The following TINAG variants were observed in gnomAD, a reference collection of about 807,000 sequenced individuals.
The protein encoded by TINAG is tubulointerstitial nephritis antigen.
A neutral mutation model predicts 72.7 loss-of-function variants in TINAG; 83 were observed. The ratio of observed to expected loss-of-function variants is 1.14; its 90% confidence interval spans 0.96 to 1.37. TINAG has a LOEUF of 1.37. Ranked by LOEUF, TINAG falls within the 40% of genes most tolerant of loss-of-function variation. TINAG has a pLI of 0.00. For synonymous variants in TINAG, 234 were observed against 189.9 expected, an observed-to-expected ratio of 1.23 and a Z score of -1.91; for missense variants, 685 against 576.6, an observed-to-expected ratio of 1.19 and a Z score of -1.93.
chr6:54,343,585 A>G (rs1267773628), intron 5 of TINAG, among the ~76,000 whole-genome samples: 1 of 151,854 alleles, frequency 6.6e-6, no homozygotes, highest in Non-Finnish European at 1.5e-5. Context: ...GAATCAAAAG[A>G]GTGACAAAAT....
At chr6:54,313,924 G>A (rs1021799500) in intron 1 of TINAG, among the ~76,000 whole-genome samples, 1 of 152,092 alleles carries the variant, frequency 6.6e-6, no homozygotes, top group Non-Finnish European at 1.5e-5. Context: ...GTAATCGATA[G>A]TATTTAAAAC....
At chr6:54,372,727 CATATATATATATATATATATAT>C (rs67301819) in intron 9 of TINAG, among the ~76,000 whole-genome samples, 51,497 of 133,842 alleles carry the variant, frequency 0.38, 11,218 homozygotes, top group Middle Eastern at 0.52. Flanking sequence ...TAAATACATA[CATATATATATATATATATATAT>C]ATATATATAT....
intron 9 of TINAG, among the ~76,000 whole-genome samples, chr6:54,368,651 C>T (rs191626203): frequency 9.6e-4 from 145 of 151,488 alleles, no homozygotes; most frequent in Admixed American, 1.8e-3. Context: ...CTTAGTTTTA[C>T]TACCAGGTAT....
intron 10 of TINAG, among the ~76,000 whole-genome samples, chr6:54,385,536 A>T (rs1033042547): frequency 5.3e-5 from 8 of 152,074 alleles, no homozygotes; most frequent in African/African-American, 1.7e-4. Flanking sequence ...GGCTCAAAAG[A>T]CTTCACTGGT....
chr6:54,312,824 G>A (rs755635980), intron 1 of TINAG, among the ~76,000 whole-genome samples: 1 of 152,154 alleles, frequency 6.6e-6, no homozygotes, highest in Non-Finnish European at 1.5e-5. Flanking sequence ...ATTAGTGAGA[G>A]AGATGAGTGG....
chr6:54,321,027 T>C (rs190463657), intron 2 of TINAG, among the ~76,000 whole-genome samples: 1 of 152,300 alleles, frequency 6.6e-6, no homozygotes, highest in Non-Finnish European at 1.5e-5. Flanking sequence ...TACAAGTACA[T>C]TGAATCTACT....
intron 7 of TINAG, 139 bp from the exon 8 acceptor site, chr6:54,351,213 C>A: frequency 1.5e-6 from 1 of 656,820 alleles, no homozygotes; most frequent in South Asian, 1.9e-5. Context: ...TTAACAATTT[C>A]ATTAATGTAG....
intron 1 of TINAG, among the ~76,000 whole-genome samples, chr6:54,311,019 T>C (rs945928678): frequency 9.2e-5 from 14 of 151,772 alleles, no homozygotes; most frequent in Admixed American, 9.2e-4. Flanking sequence ...TTTCCTTTCC[T>C]TTCATTTTTA....
At chr6:54,363,605 G>A (rs1763310407) in intron 9 of TINAG, among the ~76,000 whole-genome samples, 1 of 138,222 alleles carries the variant, frequency 7.2e-6, no homozygotes, top group Non-Finnish European at 1.6e-5. Context: ...AGACAAAAAA[G>A]TGCCAACGGG....
chr6:54,357,871 T>C (rs1210740917), intron 9 of TINAG, among the ~76,000 whole-genome samples: 1 of 151,960 alleles, frequency 6.6e-6, no homozygotes, highest in Non-Finnish European at 1.5e-5. Context: ...TTATTCTTTG[T>C]TCAGAATCCT....
At chr6:54,313,166 T>C (rs574161185) in intron 1 of TINAG, among the ~76,000 whole-genome samples, 1 of 152,288 alleles carries the variant, frequency 6.6e-6, no homozygotes, top group African/African-American at 2.4e-5. Context: ...ATCTTAAACA[T>C]GTATTTTTTT....
chr6:54,341,340 A>T (rs1333934983), intron 4 of TINAG, among the ~76,000 whole-genome samples: 1 of 152,130 alleles, frequency 6.6e-6, no homozygotes, highest in African/African-American at 2.4e-5. Context: ...ATTCTGCCCC[A>T]ACCCTAAGAT....
intron 6 of TINAG, 38 bp downstream of exon 6, chr6:54,347,555 T>C (rs1785155750): frequency 6.2e-7 from 1 of 1,606,246 alleles, no homozygotes; most frequent in Non-Finnish European, 8.5e-7. Flanking sequence ...AGGATTTTTA[T>C]GAATGATGCA....
chr6:54,350,758 C>T (rs73444769), intron 7 of TINAG, among the ~76,000 whole-genome samples: 2,991 of 150,736 alleles, frequency 0.02, 89 homozygotes, highest in African/African-American at 0.069. Context: ...TGTTTGCAAA[C>T]GTAACACTTT....
rs144514247 is a variant in TINAG at position 54,351,472 on chromosome 6, G to A, written c.1126+75G>A. 3.4e-4 allele frequency: 469 copies of A among 1,377,774 alleles called. 5 individuals carry two copies. The African/African-American group carries it at 6.0e-3, about 18-fold the overall frequency. The allele number at this position is 1,377,774 out of a possible 1,614,324, so 85.3% of individuals were successfully genotyped here. A position where few individuals can be genotyped will look rare whatever the true frequency, so the allele number is the denominator to read the frequency against. On this transcript the variant is annotated intron_variant, in intron 8 of 10. Transcript: ENST00000259782. Reference sequence around the variant, plus strand: ...AACATTACATTGAGCTCATGTAATAGGAGTTTAATAAAATAAAGAAAATTT... The same window carrying A: ...AACATTACATTGAGCTCATGTAATAAGAGTTTAATAAAATAAAGAAAATTT...
intron 9 of TINAG, among the ~76,000 whole-genome samples, chr6:54,374,731 T>A (rs1193254746): frequency 6.6e-6 from 1 of 152,056 alleles, no homozygotes; most frequent in Non-Finnish European, 1.5e-5. Context: ...TTGAAGCCCA[T>A]CTAGTGGTTT....
chr6:54,322,471 T>C (rs1224197542), intron 3 of TINAG, among the ~76,000 whole-genome samples: 1 of 152,206 alleles, frequency 6.6e-6, no homozygotes, highest in Non-Finnish European at 1.5e-5. Context: ...CGATATACCC[T>C]TGATAACATC....
At chr6:54,382,968 AT>A (rs2150984017) in intron 10 of TINAG, among the ~76,000 whole-genome samples, 1 of 152,270 alleles carries the variant, frequency 6.6e-6, no homozygotes, top group East Asian at 1.9e-4. Flanking sequence ...TAGACAGCAA[AT>A]AAAGTCTCCA....
chr6:54,336,028 G>A (rs77960864), intron 4 of TINAG, among the ~76,000 whole-genome samples: 3,641 of 152,004 alleles, frequency 0.024, 93 homozygotes, highest in East Asian at 0.053. Flanking sequence ...AATTCCTGGG[G>A]AAGCTCTTTC....
Sources: allele counts gnomAD v4.1 joint callset (sites outside exome capture counted in the v4.1 genomes callset), GRCh38; gene constraint gnomAD v4.1.1; transcripts MANE v1.5; gene names NCBI Gene and HGNC (gene_info 2026-07-23, HGNC 2026-07-21).